Variants in PPP1R1C observed in about 807,000 individuals in gnomAD.
The protein encoded by PPP1R1C is protein phosphatase 1 regulatory inhibitor subunit 1C.
A neutral mutation model predicts 17.4 loss-of-function variants in PPP1R1C; 15 were observed. That is an observed-to-expected ratio of 0.86 (90% CI 0.58 to 1.33). The LOEUF (loss-of-function observed/expected upper bound fraction) is 1.33. Ranked by LOEUF, PPP1R1C falls within the 40% of genes most tolerant of loss-of-function variation. The probability of loss-of-function intolerance (pLI) is 0.00; values close to 1 mark genes in which losing one functional copy is unlikely to be tolerated. For missense variants in PPP1R1C, 143 were observed against 130.0 expected, an observed-to-expected ratio of 1.10 and a Z score of -0.48; for synonymous variants, 35 against 43.1, an observed-to-expected ratio of 0.81 and a Z score of 0.73.
downstream of PPP1R1C, chr2:182,117,766 T>C (rs535463236): frequency 6.5e-6 from 1 of 153,324 alleles, no homozygotes; most frequent in Admixed American, 6.5e-5. Flanking sequence ...AGATTTGCAT[T>C]GATCATATTT....
chr2:181,989,926 T>A lies in PPP1R1C; in HGVS notation c.142+2027T>A, dbSNP rs552556566. Reference sequence around the variant, plus strand: ...GCAACTAGAGATTTTGGACTAGTGATGGATTTTTGTAGTAAAACCCTTAAA... The same window carrying A: ...GCAACTAGAGATTTTGGACTAGTGAAGGATTTTTGTAGTAAAACCCTTAAA... On this transcript the variant is annotated intron_variant, in intron 2 of 4. Transcript: ENST00000682840. Among the ~76,000 whole-genome samples, 5 of 152,348 alleles carry A rather than the reference T, an allele frequency of 3.3e-5. No homozygotes were observed. In the East Asian group the frequency reaches 9.6e-4, roughly 29 times the overall value.
intron 2 of PPP1R1C, among the ~76,000 whole-genome samples, chr2:181,998,946 G>A (rs960782772): frequency 2.0e-5 from 3 of 152,124 alleles, no homozygotes; most frequent in Non-Finnish European, 4.4e-5. Context: ...GGACTAAAAC[G>A]GATCATCTCA....
At chr2:182,107,123 T>C (rs1486213587) in intron 4 of PPP1R1C, among the ~76,000 whole-genome samples, 1 of 152,224 alleles carries the variant, frequency 6.6e-6, no homozygotes, top group East Asian at 1.9e-4. Flanking sequence ...AACAGTGGGC[T>C]TTCCTTAAAT....
At chr2:182,021,438 C>T (rs1047061854) in intron 2 of PPP1R1C, among the ~76,000 whole-genome samples, 1 of 150,832 alleles carries the variant, frequency 6.6e-6, no homozygotes, top group African/African-American at 2.4e-5. Context: ...TGCAACTCTC[C>T]TGCCTCAGCC....
At chr2:181,986,307 T>C (rs936681034) in intron 1 of PPP1R1C, 116 bp downstream of exon 1, 26 of 792,668 alleles carry the variant, frequency 3.3e-5, no homozygotes, top group Non-Finnish European at 4.9e-5. Flanking sequence ...ACTTTCAAGA[T>C]AATGTAAACA....
intron 4 of PPP1R1C, among the ~76,000 whole-genome samples, chr2:182,084,085 G>A (rs903091377): frequency 1.3e-5 from 2 of 151,816 alleles, no homozygotes; most frequent in African/African-American, 2.4e-5. Context: ...ATCTATTCAT[G>A]TCATTTGCCT....
intron 5 of PPP1R1C, among the ~76,000 whole-genome samples, chr2:182,124,801 A>T (rs1411796523): frequency 6.6e-6 from 1 of 152,154 alleles, no homozygotes; most frequent in Non-Finnish European, 1.5e-5. Context: ...TTGGACTGAG[A>T]TGATGGGATT....
At position 182,017,375 on chromosome 2, in the gene PPP1R1C, C is replaced by T. The variant is rs75243187; in HGVS notation, c.142+29476C>T. Among the ~76,000 whole-genome samples the T allele has an allele frequency of 1.1e-4, 17 of 152,172 alleles. No homozygotes were observed. The East Asian group carries it at 2.9e-3, about 26-fold the overall frequency. ...CCTTTTCATATTGTTAAATCACTAT[C>T]ACCAGAATTTTTTAAATTCACTCTA... is the stretch of plus-strand genomic sequence containing the variant. On this transcript the variant is annotated intron_variant, in intron 2 of 4. Coordinates refer to ENST00000682840, the MANE Select transcript of PPP1R1C (RefSeq NM_001080545.3).
At chr2:182,037,010 C>T (rs760893364) in intron 2 of PPP1R1C, among the ~76,000 whole-genome samples, 4 of 152,130 alleles carry the variant, frequency 2.6e-5, no homozygotes, top group African/African-American at 7.2e-5. Flanking sequence ...GGATTTGTAG[C>T]AATTGTATTA....
At chr2:182,128,099 A>G (rs1194711550) in intron 5 of PPP1R1C, among the ~76,000 whole-genome samples, 2 of 152,144 alleles carry the variant, frequency 1.3e-5, no homozygotes. Context: ...ATAAATATGT[A>G]GGAATACCTA....
At chr2:182,056,773 C>T (rs1300844551) in intron 2 of PPP1R1C, among the ~76,000 whole-genome samples, 2 of 152,050 alleles carry the variant, frequency 1.3e-5, no homozygotes, top group African/African-American at 2.4e-5. Context: ...CCTTGCCTAC[C>T]GCTTATTTTT....
chr2:182,025,211 A>C (rs1385026915), intron 2 of PPP1R1C, among the ~76,000 whole-genome samples: 1 of 148,060 alleles, frequency 6.8e-6, no homozygotes, highest in African/African-American at 2.5e-5. Flanking sequence ...TTATTTATTT[A>C]TTTATTTTTA....
chr2:182,055,498 G>A (rs947241573), intron 2 of PPP1R1C, among the ~76,000 whole-genome samples: 4 of 152,048 alleles, frequency 2.6e-5, no homozygotes, highest in Non-Finnish European at 4.4e-5. Flanking sequence ...TGGTTATAGA[G>A]GACTTCCTTT....
rs544400109 is a variant in PPP1R1C at position 182,074,196 on chromosome 2, C to T, written c.241+10405C>T. On this transcript the variant is annotated intron_variant, in intron 4 of 4. Coordinates refer to ENST00000682840, the MANE Select transcript of PPP1R1C (RefSeq NM_001080545.3). ...AGCTGGGACTACAGGCGCCCGCCAT[C>T]ACGCCCGGCTAATTTTTTGTACTTT... is the stretch of plus-strand genomic sequence containing the variant. Among the ~76,000 whole-genome samples the T allele has an allele frequency of 8.9e-4, 136 of 152,094 alleles. 1 individual carries two copies. Among genetic ancestry groups the T allele is most frequent in the African/African-American group, 3.0e-3 (125 of 41,496 alleles).
At chr2:182,065,146 C>A (rs906933603) in intron 4 of PPP1R1C, among the ~76,000 whole-genome samples, 53 of 152,030 alleles carry the variant, frequency 3.5e-4, no homozygotes, top group African/African-American at 1.2e-3. Context: ...CTTATACTCT[C>A]AAGTCTCCCC....
At chr2:181,956,297 A>G (rs1330857007) in intron 1 of PPP1R1C, among the ~76,000 whole-genome samples, 1 of 152,182 alleles carries the variant, frequency 6.6e-6, no homozygotes, top group Non-Finnish European at 1.5e-5. Flanking sequence ...CCAGTCTATC[A>G]TTGATGGGCA....
At chr2:182,070,029 G>A (rs777089404) in intron 4 of PPP1R1C, among the ~76,000 whole-genome samples, 10 of 152,204 alleles carry the variant, frequency 6.6e-5, no homozygotes, top group Non-Finnish European at 1.3e-4. Flanking sequence ...GACCAGTCTG[G>A]AGGAAGCAAC....
intron 2 of PPP1R1C, among the ~76,000 whole-genome samples, chr2:181,988,840 C>T (rs1197195810): frequency 6.6e-6 from 1 of 152,048 alleles, no homozygotes; most frequent in Non-Finnish European, 1.5e-5. Context: ...CATCATTTAG[C>T]CCAAATCCAA....
At chr2:182,073,827 G>T (rs1428436884) in intron 4 of PPP1R1C, among the ~76,000 whole-genome samples, 2 of 152,126 alleles carry the variant, frequency 1.3e-5, no homozygotes, top group Non-Finnish European at 1.5e-5. Context: ...TGTGGGGTGG[G>T]GGCAGAAACT....
Sources: allele counts gnomAD v4.1 joint callset (sites outside exome capture counted in the v4.1 genomes callset), GRCh38; gene constraint gnomAD v4.1.1; transcripts MANE v1.5; gene names NCBI Gene and HGNC (gene_info 2026-07-23, HGNC 2026-07-21).